Variants in COL6A6 observed in about 807,000 individuals in gnomAD.
COL6A6 encodes the protein collagen type VI alpha 6 chain.
COL6A6 carries 183 observed loss-of-function variants against 208.6 expected under a neutral mutation model. That is an observed-to-expected ratio of 0.88 (90% CI 0.78 to 0.99). The LOEUF is 0.99. Ranked by LOEUF, COL6A6 falls within the 50% of genes least tolerant of loss-of-function variation. COL6A6 has a pLI of 0.00. For missense variants in COL6A6, 2,816 were observed against 2,815.2 expected, an observed-to-expected ratio of 1.00 and a Z score of -0.01; for synonymous variants, 973 against 1,011.8, an observed-to-expected ratio of 0.96 and a Z score of 0.73.
intron 1 of COL6A6, among the ~76,000 whole-genome samples, chr3:130,551,984 G>A (rs1240589063): frequency 6.6e-6 from 1 of 152,060 alleles, no homozygotes; most frequent in Non-Finnish European, 1.5e-5. Context: ...GATCAGTATT[G>A]ATTTCTATTT....
intron 23 of COL6A6, among the ~76,000 whole-genome samples, chr3:130,613,190 A>G (rs992694239): frequency 3.9e-5 from 6 of 152,152 alleles, no homozygotes; most frequent in Admixed American, 2.0e-4. Flanking sequence ...TGATTTTTGT[A>G]TATGGTATAA....
chr3:130,578,498 T>C (rs893072682), intron 8 of COL6A6, among the ~76,000 whole-genome samples: 9 of 152,070 alleles, frequency 5.9e-5, no homozygotes, highest in Non-Finnish European at 1.2e-4. Flanking sequence ...CAAGGTAGTA[T>C]GTTACCAAGT....
chr3:130,596,015 C>CT (rs2063842057), intron 18 of COL6A6, among the ~76,000 whole-genome samples: 1 of 152,176 alleles, frequency 6.6e-6, no homozygotes, highest in Non-Finnish European at 1.5e-5. Flanking sequence ...ACCTGGGAAT[C>CT]TCATGAGGAT....
chr3:130,608,880 G>A, intron 21 of COL6A6, 22 bp from the exon 22 acceptor site: 1 of 1,512,674 alleles, frequency 6.6e-7, no homozygotes, highest in Non-Finnish European at 8.9e-7. Flanking sequence ...AGTGTTAACA[G>A]ATTGATTCTT....
intron 1 of COL6A6, among the ~76,000 whole-genome samples, chr3:130,558,691 A>G (rs1207882125): frequency 2.6e-5 from 4 of 152,196 alleles, no homozygotes; most frequent in Admixed American, 2.6e-4. Context: ...TTTCTCTCTC[A>G]TAACTCCAAA....
At chr3:130,561,963 T>A (rs552021575) in intron 2 of COL6A6, among the ~76,000 whole-genome samples, 8 of 152,348 alleles carry the variant, frequency 5.3e-5, no homozygotes, top group African/African-American at 1.9e-4. Flanking sequence ...AATCTACTTA[T>A]TTTAAAGAAG....
chr3:130,601,769 C>T (rs1437550351), intron 20 of COL6A6, among the ~76,000 whole-genome samples: 1 of 152,098 alleles, frequency 6.6e-6, no homozygotes, highest in African/African-American at 2.4e-5. Flanking sequence ...TGCATCTCAC[C>T]AAAAGCAACA....
At chr3:130,606,832 T>C in intron 20 of COL6A6, 99 bp from the exon 21 acceptor site, 2 of 831,326 alleles carry the variant, frequency 2.4e-6, no homozygotes, top group South Asian at 1.9e-5. Context: ...TGGGAATTGT[T>C]ATGTATGTTG....
intron 1 of COL6A6, among the ~76,000 whole-genome samples, chr3:130,550,421 A>G (rs2062615760): frequency 6.6e-6 from 1 of 152,040 alleles, no homozygotes; most frequent in Admixed American, 6.5e-5. Flanking sequence ...CCCATTCAGT[A>G]TGATGTTGGC....
intron 1 of COL6A6, among the ~76,000 whole-genome samples, chr3:130,550,226 T>C (rs1172268103): frequency 1.3e-5 from 2 of 152,230 alleles, no homozygotes; most frequent in Non-Finnish European, 2.9e-5. Flanking sequence ...TGTAGAATTT[T>C]CTAGTTATAG....
chr3:130,517,422 A>G (rs1253337726), intron 1 of COL6A6, among the ~76,000 whole-genome samples, 25 bp downstream of exon 1: 1 of 152,262 alleles, frequency 6.6e-6, no homozygotes. Flanking sequence ...CAACGCTGGG[A>G]CAGCAAGAGC....
intron 1 of COL6A6, among the ~76,000 whole-genome samples, chr3:130,549,384 T>A (rs1435189093): frequency 6.6e-6 from 1 of 152,226 alleles, no homozygotes; most frequent in South Asian, 2.1e-4. Context: ...CCTCAAACTC[T>A]TCAGTTTAAT....
Position 130,592,540 on chromosome 3 carries a change from G to A in COL6A6, c.4273-1G>A. The A allele has an allele frequency of 1.3e-6, 2 of 1,593,346 alleles. No homozygotes were observed. The highest frequency in any genetic ancestry group is 1.7e-6 in the Non-Finnish European group (2 of 1,166,932). ...TCATTTGGATATGTGCCCTTTCTCA[G>A]GGAGAAAGAGGAGCCCCTGGACCAG... On this transcript the variant is annotated splice_acceptor_variant, in intron 13 of 36. Coordinates refer to ENST00000358511, the MANE Select transcript of COL6A6 (RefSeq NM_001102608.3). LOFTEE classifies it high-confidence loss of function.
chr3:130,598,408 T>C lies in COL6A6; in HGVS notation c.4577T>C (p.Leu1526Ser). The change falls in exon 19 of 37, where the codon TTG becomes TCG. Residue 1526 changes from leucine (L) to serine (S), a missense_variant. By Grantham distance (145) the Leu-to-Ser change is moderately radical (BLOSUM62 -2). Transcript: ENST00000358511. ...VDSSIEGPTG[L>S]KGERGRQGRR... ...AGTAGCATAGAAGGACCCACAGGCTTGAAAGGAGAACGTGGAAGACAAGTA... is the reference window on the plus strand; with the variant it reads ...AGTAGCATAGAAGGACCCACAGGCTCGAAAGGAGAACGTGGAAGACAAGTA... 1 of 1,552,316 alleles carries C rather than the reference T, an allele frequency of 6.4e-7. No individual in the cohort carries two copies. The highest frequency in any genetic ancestry group is 2.4e-5 in the East Asian group (1 of 41,046).
chr3:130,642,934 CA>C (rs1426944089), intron 30 of COL6A6, 52 bp from the exon 31 acceptor site: 16 of 1,613,078 alleles, frequency 9.9e-6, no homozygotes, highest in African/African-American at 1.3e-5. Context: ...TTTTAAACCT[CA>C]GGGCCTAGCA....
At position 130,608,932 on chromosome 3, in the gene COL6A6, C is replaced by G; in HGVS notation, c.4720C>G (p.Leu1574Val). Residue 1574 changes from leucine (L) to valine (V), a missense_variant, in exon 22 of 37, where the codon CTT becomes GTT. By Grantham distance (32) the Leu-to-Val change is conservative. Transcript: ENST00000358511. Reference protein sequence around the residue: ...GTAGIPGPDGLEGSLGLKGPQ... With the variant: ...GTAGIPGPDGVEGSLGLKGPQ... ...AGCAGGCATCCCAGGACCAGATGGA[C>G]TTGAAGGCTCCCTGGGACTTAAGGG... 2 of 1,613,440 alleles carry G rather than the reference C, an allele frequency of 1.2e-6. No homozygotes were observed. The highest frequency in any genetic ancestry group is 1.7e-6 in the Non-Finnish European group (2 of 1,179,652).
chr3:130,636,732 T>TCCTCCCCTTCCC (rs2065120569), intron 28 of COL6A6, among the ~76,000 whole-genome samples: 1 of 127,204 alleles, frequency 7.9e-6, no homozygotes, highest in African/African-American at 3.0e-5. Context: ...TTCTGCCTCT[T>TCCTCCCCTTCCC]CCTCCCCTTC....
intron 35 of COL6A6, among the ~76,000 whole-genome samples, chr3:130,664,071 T>C (rs950320087): frequency 6.6e-6 from 1 of 152,222 alleles, no homozygotes; most frequent in African/African-American, 2.4e-5. Context: ...TCTTGGTTAC[T>C]GACTGGTCTT....
chr3:130,667,410 G>A (rs1391707050), intron 36 of COL6A6, among the ~76,000 whole-genome samples: 1 of 151,966 alleles, frequency 6.6e-6, no homozygotes, highest in Non-Finnish European at 1.5e-5. Context: ...CTAATTTTTT[G>A]TATTTTTTAG....
Sources: allele counts gnomAD v4.1 joint callset (sites outside exome capture counted in the v4.1 genomes callset), GRCh38; gene constraint gnomAD v4.1.1; transcripts MANE v1.5; gene names NCBI Gene and HGNC (gene_info 2026-07-23, HGNC 2026-07-21).